The following ADGRB3 variants were observed in gnomAD, a reference collection of about 807,000 sequenced individuals.
ADGRB3 encodes the protein adhesion G protein-coupled receptor B3, also known as brain-specific angiogenesis inhibitor 3.
A neutral mutation model predicts 193.4 loss-of-function variants in ADGRB3; 37 were observed. That is an observed-to-expected ratio of 0.19 (90% confidence interval 0.15 to 0.25). The LOEUF is 0.25. ADGRB3 is among the 10% of genes least tolerant of loss of function. ADGRB3 has a pLI of 1.00. For missense variants in ADGRB3, 1,637 were observed against 1,852.9 expected (o/e 0.88, Z 2.14); for synonymous variants, 690 against 644.2 (o/e 1.07, Z -1.08).
chr6:68,882,589 T>C (rs557691274), intron 3 of ADGRB3, among the ~76,000 whole-genome samples: 54 of 152,300 alleles, frequency 3.5e-4, no homozygotes, highest in African/African-American at 1.3e-3. Context: ...TATAGTTATC[T>C]CTCTAAATTG....
intron 10 of ADGRB3, among the ~76,000 whole-genome samples, chr6:68,985,966 G>T (rs1474582986): frequency 6.6e-6 from 1 of 152,028 alleles, no homozygotes; most frequent in East Asian, 1.9e-4. Flanking sequence ...CCATCTGCTG[G>T]CTCAAAATAT....
chr6:69,057,130 T>C lies in ADGRB3; in HGVS notation c.2334-5804T>C, dbSNP rs185454552. 1.9e-3 allele frequency among the ~76,000 whole-genome samples: 292 copies of C among 152,218 alleles called. 4 individuals carry two copies. Among genetic ancestry groups the C allele is most frequent in the Admixed American group, 5.1e-3 (78 of 15,284 alleles). On this transcript the variant is annotated intron_variant, in intron 15 of 31. Coordinates refer to ENST00000370598, the MANE Select transcript of ADGRB3 (RefSeq NM_001704.3). ...ATAACTCTTTCCTCCTTAAGTTTAC[T>C]CATATTTTATTTATTTTGATGCTTT...
chr6:69,275,581 A>G lies in ADGRB3; in HGVS notation c.2814+36355A>G, dbSNP rs1214992917. 2.6e-5 allele frequency among the ~76,000 whole-genome samples: 4 copies of G among 152,062 alleles called. No individual in the cohort carries two copies. The South Asian group carries it at 8.3e-4, about 31-fold the overall frequency. On this transcript the variant is annotated intron_variant, in intron 20 of 31. Coordinates refer to ENST00000370598, the MANE Select transcript of ADGRB3 (RefSeq NM_001704.3). ...AAAATACATATTATATAATCATAATATATGATCCAGACACCAGTATAATAC... is the reference window on the plus strand; with the variant it reads ...AAAATACATATTATATAATCATAATGTATGATCCAGACACCAGTATAATAC...
chr6:69,059,666 C>G (rs1562141679), intron 15 of ADGRB3, among the ~76,000 whole-genome samples: 1 of 152,096 alleles, frequency 6.6e-6, no homozygotes, highest in Non-Finnish European at 1.5e-5. Context: ...CAAAGCCTGA[C>G]ATGGCATATC....
chr6:69,074,980 G>A (rs780054947), intron 16 of ADGRB3, among the ~76,000 whole-genome samples: 18 of 152,166 alleles, frequency 1.2e-4, no homozygotes, highest in Non-Finnish European at 2.2e-4. Context: ...GAATGGGTGG[G>A]ATGCCAAAAT....
Position 69,210,149 on chromosome 6 carries a change from CATATATATAT to C in ADGRB3, c.2481-23129_2481-23120del, listed in dbSNP as rs58586306. 7.0e-4 allele frequency among the ~76,000 whole-genome samples: 55 copies of C among 78,930 alleles called. 1 individual carries two copies. In the East Asian group the frequency reaches 0.011, roughly 16 times the overall value. 51.8% of individuals were successfully genotyped at this position (78,930 alleles called of 152,430 possible). ...ATATATATCATATATTAATATATAT[CATATATATAT>C]ATATATATATAAAGGGGAGTTTATT... On this transcript the variant is annotated intron_variant, in intron 17 of 31. Transcript: ENST00000370598.
chr6:69,313,388 C>G (rs75719288), intron 20 of ADGRB3, among the ~76,000 whole-genome samples: 2,481 of 151,836 alleles, frequency 0.016, 34 homozygotes, highest in Non-Finnish European at 0.025. Flanking sequence ...TCTGTTATAC[C>G]AACAAGACCA....
At chr6:69,007,939 G>C (rs1769814041) in intron 11 of ADGRB3, among the ~76,000 whole-genome samples, 3 of 152,088 alleles carry the variant, frequency 2.0e-5, no homozygotes, top group Admixed American at 2.0e-4. Context: ...CTGCTTTCAA[G>C]CTGGTCCCTT....
chr6:68,924,364 C>A, intron 3 of ADGRB3, among the ~76,000 whole-genome samples: 1 of 151,910 alleles, frequency 6.6e-6, no homozygotes, highest in East Asian at 1.9e-4. Context: ...TGGAAACATT[C>A]TCATAAAATA....
chr6:68,838,470 T>C (rs1768087356), intron 3 of ADGRB3, among the ~76,000 whole-genome samples: 1 of 152,234 alleles, frequency 6.6e-6, no homozygotes, highest in Admixed American at 6.5e-5. Context: ...CTGGATTTAC[T>C]TTGCTTCCCC....
rs796284856 is a variant in ADGRB3 at position 68,735,277 on chromosome 6, C to T, written c.757+95845C>T. On this transcript the variant is annotated intron_variant, in intron 3 of 31. Coordinates refer to ENST00000370598, the MANE Select transcript of ADGRB3 (RefSeq NM_001704.3). ...TACAAATAATTTAATCTAAGACATACGTGAAAAAATATGTTTGCCTATTTT... is the reference window on the plus strand; with the variant it reads ...TACAAATAATTTAATCTAAGACATATGTGAAAAAATATGTTTGCCTATTTT... Among the ~76,000 whole-genome samples, 9 of 151,732 alleles carry T rather than the reference C, an allele frequency of 5.9e-5. No individual in the cohort carries two copies. The South Asian group carries it at 1.2e-3, about 21-fold the overall frequency.
chr6:68,734,092 T>G (rs1236949175), intron 3 of ADGRB3, among the ~76,000 whole-genome samples: 2 of 152,004 alleles, frequency 1.3e-5, no homozygotes, highest in Non-Finnish European at 1.5e-5. Flanking sequence ...CTATGGTATT[T>G]TTTTTCAAAT....
At chr6:69,332,834 T>C in intron 23 of ADGRB3, 89 bp from the exon 24 acceptor site, 2 of 1,549,800 alleles carry the variant, frequency 1.3e-6, no homozygotes, top group Non-Finnish European at 1.7e-6. Context: ...ACGGTGGTTA[T>C]GAATTGATAA....
chr6:68,929,181 G>A (rs1767268618), intron 3 of ADGRB3, among the ~76,000 whole-genome samples: 1 of 152,132 alleles, frequency 6.6e-6, no homozygotes. Context: ...CTACAGTGTA[G>A]GATATTGCCG....
chr6:69,096,536 T>A (rs1289748047), intron 17 of ADGRB3, among the ~76,000 whole-genome samples: 3 of 152,128 alleles, frequency 2.0e-5, no homozygotes, highest in Non-Finnish European at 4.4e-5. Flanking sequence ...TCCCCCATTG[T>A]CCTATTTTTA....
chr6:68,849,921 T>C (rs1768363201), intron 3 of ADGRB3, among the ~76,000 whole-genome samples: 1 of 151,970 alleles, frequency 6.6e-6, no homozygotes, highest in South Asian at 2.1e-4. Context: ...TAAAAATCTT[T>C]TACAATAGAA....
rs771599054 is a variant in ADGRB3 at position 68,638,798 on chromosome 6, G to A, written c.123G>A (p.Ser41=). 3 of 1,614,048 alleles carry A rather than the reference G, an allele frequency of 1.9e-6. No individual in the cohort carries two copies. The highest frequency in any genetic ancestry group is 1.7e-6 in the Non-Finnish European group (2 of 1,180,014). ...TGGTGAAGGGAGTCATTTATGGATC[G>A]TATTCTGTAAGTGAAATGTTTCCTA... ...STLVKGVIYG[S]YSVSEMFPKN... Residue 41 remains serine, a synonymous_variant, in exon 3 of 32, where the codon TCG becomes TCA. Coordinates refer to ENST00000370598, the MANE Select transcript of ADGRB3 (RefSeq NM_001704.3).
At chr6:69,381,287 CAAACTGATGG>C (rs1769941446) in intron 30 of ADGRB3, among the ~76,000 whole-genome samples, 1 of 151,898 alleles carries the variant, frequency 6.6e-6, no homozygotes, top group Non-Finnish European at 1.5e-5. Context: ...TATTCCCCCC[CAAACTGATGG>C]GAAGTTAATC....
chr6:68,888,538 T>C (rs1582286761), intron 3 of ADGRB3, among the ~76,000 whole-genome samples: 2 of 101,442 alleles, frequency 2.0e-5, no homozygotes, highest in African/African-American at 7.9e-5. Flanking sequence ...TTTTGGGTAA[T>C]AGATACACAC....
Sources: gnomAD v4.1 joint callset for allele counts (sites outside exome capture counted in the v4.1 genomes callset) on GRCh38, gnomAD v4.1.1 for gene constraint, MANE v1.5 for transcripts, NCBI Gene and HGNC (gene_info 2026-07-23, HGNC 2026-07-21) for gene names.